The following PEAK1 variants were observed in gnomAD, a reference collection of about 807,000 sequenced individuals.
PEAK1 encodes pseudopodium enriched atypical kinase 1.
Under a neutral mutation model 124.7 loss-of-function variants are expected in PEAK1, and 54 were observed. The ratio of observed to expected loss-of-function variants is 0.43; its 90% CI spans 0.35 to 0.54. The LOEUF (loss-of-function observed/expected upper bound fraction) is 0.54. Ranked by LOEUF, PEAK1 falls within the 20% of genes least tolerant of loss-of-function variation. PEAK1 has a pLI of 0.01. For synonymous variants in PEAK1, 719 were observed against 760.0 expected (o/e 0.95, Z 0.89); for missense variants, 2,046 against 2,134.5 (o/e 0.96, Z 0.82).
At chr15:77,340,594 A>C (rs928405269) in intron 2 of PEAK1, among the ~76,000 whole-genome samples, 2 of 152,228 alleles carry the variant, frequency 1.3e-5, no homozygotes, top group African/African-American at 2.4e-5. Flanking sequence ...AAACTCATGA[A>C]ACTATACAAT....
chr15:77,233,523 T>C (rs1321318387), intron 6 of PEAK1, among the ~76,000 whole-genome samples: 1 of 152,218 alleles, frequency 6.6e-6, no homozygotes, highest in Non-Finnish European at 1.5e-5. Context: ...TCTTCAGTAC[T>C]AGATTTCTCA....
At chr15:77,131,101 TGAA>T (rs2052818464) in intron 9 of PEAK1, among the ~76,000 whole-genome samples, 1 of 152,188 alleles carries the variant, frequency 6.6e-6, no homozygotes, top group Non-Finnish European at 1.5e-5. Flanking sequence ...TTAGCTGTCT[TGAA>T]GAAGTGGGTT....
chr15:77,314,277 A>G (rs2153006765), intron 2 of PEAK1, among the ~76,000 whole-genome samples: 1 of 152,290 alleles, frequency 6.6e-6, no homozygotes, highest in East Asian at 1.9e-4. Context: ...TTCCAATGAA[A>G]AAAGTAAAAC....
chr15:77,392,249 T>C (rs1182984350), intron 1 of PEAK1, among the ~76,000 whole-genome samples: 1 of 152,200 alleles, frequency 6.6e-6, no homozygotes, highest in Non-Finnish European at 1.5e-5. Context: ...GGATACACAC[T>C]AAACAATATT....
At chr15:77,143,966 G>C (rs918150057) in intron 8 of PEAK1, among the ~76,000 whole-genome samples, 2 of 152,172 alleles carry the variant, frequency 1.3e-5, no homozygotes, top group Non-Finnish European at 2.9e-5. Context: ...GAAGCTTTAT[G>C]GGCAGCCATG....
intron 2 of PEAK1, among the ~76,000 whole-genome samples, chr15:77,331,819 T>C (rs1001602628): frequency 1.3e-5 from 2 of 151,924 alleles, no homozygotes; most frequent in Non-Finnish European, 2.9e-5. Flanking sequence ...GGTCTCACCA[T>C]ATTGGCCAGG....
chr15:77,358,663 G>A lies in PEAK1; in HGVS notation c.-603+6500C>T, dbSNP rs76178139. Among the ~76,000 whole-genome samples the A allele has an allele frequency of 1.4e-3, 213 of 152,290 alleles. 1 individual carries two copies. The highest frequency in any genetic ancestry group is 3.4e-3 in the Middle Eastern group (1 of 292). On this transcript the variant is annotated intron_variant, in intron 2 of 9. Transcript: ENST00000682557. Reference sequence around the variant, plus strand: ...TCAAGAAGCATAGTTTCTAAAATGAGAGAAACATACACAAACAATCACAAC... The same window carrying A: ...TCAAGAAGCATAGTTTCTAAAATGAAAGAAACATACACAAACAATCACAAC...
At position 77,393,595 on chromosome 15, in the gene PEAK1, G is replaced by T. The variant is rs539212646; in HGVS notation, c.-666+26411C>A. On this transcript the variant is annotated intron_variant, in intron 1 of 9. Coordinates refer to ENST00000682557, the MANE Select transcript of PEAK1 (RefSeq NM_001385026.1). ...CAGGATGCATCATCTGCTGACTAAA[G>T]GACTCCTTGGCCCTGAATAATCAGC... is the stretch of plus-strand genomic sequence containing the variant. Among the ~76,000 whole-genome samples, 7 of 152,304 alleles carry T rather than the reference G, an allele frequency of 4.6e-5. No homozygotes were observed. The South Asian group carries it at 1.2e-3, about 27-fold the overall frequency.
chr15:77,233,608 T>A (rs1299972202), intron 6 of PEAK1, among the ~76,000 whole-genome samples: 1 of 152,322 alleles, frequency 6.6e-6, no homozygotes, highest in Middle Eastern at 3.4e-3. Context: ...AGGGATTTTA[T>A]CCAATCCTGT....
chr15:77,289,864 A>G (rs1326789304), intron 2 of PEAK1, among the ~76,000 whole-genome samples: 2 of 152,188 alleles, frequency 1.3e-5, no homozygotes, highest in Admixed American at 6.5e-5. Context: ...CACCTAAGAT[A>G]ATACACTAGT....
intron 2 of PEAK1, among the ~76,000 whole-genome samples, chr15:77,287,539 TCTTC>T (rs897829541): frequency 2.0e-5 from 3 of 152,170 alleles, no homozygotes; most frequent in Non-Finnish European, 2.9e-5. Context: ...ACATAGAACT[TCTTC>T]CTTCCCAGTT....
At chr15:77,417,448 G>A (rs921429397) in intron 1 of PEAK1, 53 of 941,554 alleles carry the variant, frequency 5.6e-5, no homozygotes, top group Admixed American at 1.3e-4. Flanking sequence ...GTGGGGTGGG[G>A]GGATGCGGGG....
At chr15:77,287,805 C>G (rs1185435606) in intron 2 of PEAK1, among the ~76,000 whole-genome samples, 1 of 152,130 alleles carries the variant, frequency 6.6e-6, no homozygotes, top group Non-Finnish European at 1.5e-5. Context: ...AAATCTGTTC[C>G]TTTTTAAAGT....
At chr15:77,247,578 T>G (rs1378164605) in intron 6 of PEAK1, among the ~76,000 whole-genome samples, 1 of 142,570 alleles carries the variant, frequency 7.0e-6, no homozygotes, top group Non-Finnish European at 1.5e-5. Context: ...GTTCGAGAGA[T>G]TCTTGGGCCT....
chr15:77,299,032 C>T (rs550228439), intron 2 of PEAK1, among the ~76,000 whole-genome samples: 5 of 152,334 alleles, frequency 3.3e-5, no homozygotes, highest in African/African-American at 1.2e-4. Flanking sequence ...TTCACTCCCA[C>T]ACTTGGCAAT....
At chr15:77,413,222 G>C (rs1211941398) in intron 1 of PEAK1, among the ~76,000 whole-genome samples, 1 of 152,158 alleles carries the variant, frequency 6.6e-6, no homozygotes, top group Non-Finnish European at 1.5e-5. Context: ...CAATTACTGT[G>C]GTGGTTTTAA....
intron 2 of PEAK1, among the ~76,000 whole-genome samples, chr15:77,357,456 A>G (rs1207837864): frequency 6.6e-6 from 1 of 152,136 alleles, no homozygotes; most frequent in Non-Finnish European, 1.5e-5. Flanking sequence ...TATTTTTAAT[A>G]GAGATGGGGT....
intron 6 of PEAK1, among the ~76,000 whole-genome samples, chr15:77,237,842 G>T (rs950552028): frequency 2.0e-5 from 3 of 151,982 alleles, no homozygotes; most frequent in Admixed American, 2.0e-4. Context: ...ATGAGTTTTT[G>T]CTTTGAATTC....
rs539103352 is a variant in PEAK1, at chr15:77,266,231, A to G, written c.-274-13705T>C. Among the ~76,000 whole-genome samples, 5 of 152,302 alleles carry G rather than the reference A, an allele frequency of 3.3e-5. No individual in the cohort carries two copies. In the East Asian group the frequency reaches 5.8e-4, roughly 18 times the overall value. On this transcript the variant is annotated intron_variant, in intron 5 of 9. Coordinates refer to ENST00000682557, the MANE Select transcript of PEAK1 (RefSeq NM_001385026.1). The stretch of plus-strand genomic sequence containing the variant: ...ACTAACCTGCACATTGTGCACATGT[A>G]CCCTAAAAGTTAAAGTATAATAATA...
Sources: allele counts gnomAD v4.1 joint callset (sites outside exome capture counted in the v4.1 genomes callset), GRCh38; gene constraint gnomAD v4.1.1; transcripts MANE v1.5; gene names NCBI Gene and HGNC (gene_info 2026-07-23, HGNC 2026-07-21).